Variants in MAOB observed in about 807,000 individuals in gnomAD.
MAOB encodes the protein amine oxidase [flavin-containing] B.
Under a neutral mutation model 41.9 loss-of-function variants are expected in MAOB, and 15 were observed. That is an observed-to-expected ratio of 0.36 (90% confidence interval 0.24 to 0.55). The LOEUF is 0.55. Among genes scored for constraint, MAOB ranks in the 20% least tolerant of loss-of-function variants. The probability of loss-of-function intolerance (pLI) is 0.86; values close to 1 mark genes in which losing one functional copy is unlikely to be tolerated. For missense variants in MAOB, 345 were observed against 398.7 expected (o/e 0.87, Z 1.15); for synonymous variants, 167 against 144.2 (o/e 1.16, Z -1.13).
rs2034948054 is a variant in MAOB, at chrX:43,826,393, G to A, written c.279+12475C>T. Among the ~76,000 whole-genome samples the A allele has an allele frequency of 4.5e-5, 5 of 112,019 alleles. No homozygotes were observed. In the South Asian group the frequency reaches 1.9e-3, roughly 42 times the overall value. ...AGGGACAGGCTCACATACGGGTAAA[G>A]ACCCATTCTTTCAATCATTTACACA... On this transcript the variant is annotated intron_variant, in intron 3 of 14. Coordinates refer to ENST00000378069, the MANE Select transcript of MAOB (RefSeq NM_000898.5).
chrX:43,860,890 A>G (rs1185983235), intron 1 of MAOB, among the ~76,000 whole-genome samples: 1 of 111,710 alleles, frequency 9.0e-6, no homozygotes, highest in African/African-American at 3.3e-5. Flanking sequence ...AACTGTTCCC[A>G]CATTCTGTAA....
chrX:43,871,366 T>G (rs1374314942), intron 1 of MAOB, among the ~76,000 whole-genome samples: 1 of 110,570 alleles, frequency 9.0e-6, no homozygotes, highest in Non-Finnish European at 1.9e-5. Flanking sequence ...AAGTTCCAAC[T>G]ACTTAAAGCT....
At chrX:43,872,147 G>C (rs752378450) in intron 1 of MAOB, among the ~76,000 whole-genome samples, 1 of 111,776 alleles carries the variant, frequency 8.9e-6, no homozygotes, top group South Asian at 3.7e-4. Flanking sequence ...AGGCTAGATG[G>C]TACCCAATAA....
intron 3 of MAOB, among the ~76,000 whole-genome samples, chrX:43,816,936 T>C (rs1365784432): frequency 9.0e-6 from 1 of 110,861 alleles, no homozygotes; most frequent in East Asian, 2.8e-4. Flanking sequence ...AAAGACACAT[T>C]TTTCTTTAGT....
chrX:43,854,032 AT>A (rs2035272397), intron 1 of MAOB, among the ~76,000 whole-genome samples: 2 of 112,638 alleles, frequency 1.8e-5, no homozygotes, highest in African/African-American at 6.5e-5. Flanking sequence ...TTATTTGGGG[AT>A]AACATGGTGA....
At chrX:43,835,782 T>C (rs1471587473) in intron 3 of MAOB, among the ~76,000 whole-genome samples, 1 of 112,107 alleles carries the variant, frequency 8.9e-6, no homozygotes. Context: ...CACTCTTTCA[T>C]GTGGGTAGTT....
At chrX:43,828,595 G>A (rs2034977005) in intron 3 of MAOB, among the ~76,000 whole-genome samples, 1 of 111,337 alleles carries the variant, frequency 9.0e-6, no homozygotes, top group Non-Finnish European at 1.9e-5. Flanking sequence ...GGGGAGAAGG[G>A]TTGAGGGCCT....
At chrX:43,781,707 G>A (rs761041528) in intron 8 of MAOB, among the ~76,000 whole-genome samples, 163 bp from the exon 9 acceptor site, 2 of 112,006 alleles carry the variant, frequency 1.8e-5, no homozygotes, top group East Asian at 5.6e-4. Flanking sequence ...TCAAAGGAGG[G>A]ATAAGTAGCC....
chrX:43,863,325 A>G (rs528577186), intron 1 of MAOB, among the ~76,000 whole-genome samples: 3 of 111,954 alleles, frequency 2.7e-5, no homozygotes, highest in South Asian at 3.7e-4. Context: ...ATTTGACGTT[A>G]CTTAAATTAT....
intron 1 of MAOB, among the ~76,000 whole-genome samples, chrX:43,876,252 G>A (rs1456848678): frequency 8.9e-6 from 1 of 111,901 alleles, no homozygotes; most frequent in Non-Finnish European, 1.9e-5. Context: ...GAGCCACCAT[G>A]CCTGGCCAAT....
chrX:43,786,150 C>A, intron 8 of MAOB, among the ~76,000 whole-genome samples: 1 of 111,864 alleles, frequency 8.9e-6, no homozygotes, highest in East Asian at 2.8e-4. Flanking sequence ...TGTGACAGGG[C>A]ACTGGTGAAA....
At chrX:43,771,003 C>G (rs1419057794) in intron 12 of MAOB, among the ~76,000 whole-genome samples, 1 of 111,958 alleles carries the variant, frequency 8.9e-6, no homozygotes, top group African/African-American at 3.3e-5. Context: ...ATCCATGTTC[C>G]ATCTTAGTCA....
chrX:43,821,161 A>T (rs1228048177), intron 3 of MAOB, among the ~76,000 whole-genome samples: 1 of 111,951 alleles, frequency 8.9e-6, no homozygotes, highest in Non-Finnish European at 1.9e-5. Flanking sequence ...CCTCTGGGAT[A>T]ATTCTACCGT....
At chrX:43,851,633 C>T (rs998267143) in intron 1 of MAOB, among the ~76,000 whole-genome samples, 2 of 111,662 alleles carry the variant, frequency 1.8e-5, no homozygotes, top group African/African-American at 6.5e-5. Context: ...ACCATTTCTG[C>T]TTTGGGTGAC....
chrX:43,808,997 C>T (rs1162415032), intron 3 of MAOB, among the ~76,000 whole-genome samples: 1 of 111,086 alleles, frequency 9.0e-6, no homozygotes, highest in South Asian at 3.8e-4. Flanking sequence ...CAGCCATATC[C>T]TTCTATATTA....
intron 3 of MAOB, among the ~76,000 whole-genome samples, chrX:43,831,797 T>A (rs773898600): frequency 2.7e-5 from 3 of 111,588 alleles, no homozygotes; most frequent in Non-Finnish European, 5.7e-5. Context: ...CTAATTAATT[T>A]ATTAACTATT....
At chrX:43,876,132 G>A (rs1049507243) in intron 1 of MAOB, among the ~76,000 whole-genome samples, 1 of 110,655 alleles carries the variant, frequency 9.0e-6, no homozygotes, top group Admixed American at 9.7e-5. Flanking sequence ...GCTAATTTTT[G>A]TATTTTTAGT....
chrX:43,865,821 T>C lies in MAOB; in HGVS notation c.46+16433A>G, dbSNP rs1012502295. On this transcript the variant is annotated intron_variant, in intron 1 of 14. Transcript: ENST00000378069. ...TTTTTTCTGGCTGCAGGCGCTAAGG[T>C]AGTTCACACAGGTCTGTCAGACAAG... 8.5e-5 allele frequency among the ~76,000 whole-genome samples: 9 copies of C among 105,288 alleles called. No individual in the cohort carries two copies. In the East Asian group the frequency reaches 9.0e-4, roughly 11 times the overall value. The allele number at this position is 105,288 out of a possible 115,157, so 91.4% of individuals were successfully genotyped here.
At chrX:43,781,653 A>G (rs1387388132) in intron 8 of MAOB, 109 bp from the exon 9 acceptor site, 2 of 409,360 alleles carry the variant, frequency 4.9e-6, no homozygotes, top group Non-Finnish European at 4.1e-6. Context: ...AGGCCAAATA[A>G]AGCATGTTAT....
Sources: allele counts gnomAD v4.1 joint callset (sites outside exome capture counted in the v4.1 genomes callset), GRCh38; gene constraint gnomAD v4.1.1; transcripts MANE v1.5; gene names NCBI Gene and HGNC (gene_info 2026-07-23, HGNC 2026-07-21).